CNTNAP2: variants seen among roughly 807,000 people sequenced by gnomAD.
CNTNAP2 encodes the protein contactin associated protein 2.
CNTNAP2 carries 98 observed loss-of-function variants against 155.2 expected under a neutral mutation model. The observed-to-expected ratio is 0.63, with a 90% CI of 0.54 to 0.75. CNTNAP2 has a LOEUF of 0.75. CNTNAP2 is among the 30% of genes least tolerant of loss of function. The probability of loss-of-function intolerance (pLI) is 0.00; values close to 1 mark genes in which losing one functional copy is unlikely to be tolerated. For missense variants in CNTNAP2, 1,727 were observed against 1,688.1 expected (o/e 1.02, Z -0.40); for synonymous variants, 651 against 631.2 (o/e 1.03, Z -0.47).
chr7:147,714,398 T>C (rs1322256877), intron 13 of CNTNAP2, among the ~76,000 whole-genome samples: 1 of 151,048 alleles, frequency 6.6e-6, no homozygotes, highest in Non-Finnish European at 1.5e-5. Flanking sequence ...AGTATAGTTG[T>C]GGAGGTAGAA....
chr7:147,373,401 AT>A (rs1446893374), intron 9 of CNTNAP2, among the ~76,000 whole-genome samples: 8 of 152,086 alleles, frequency 5.3e-5, no homozygotes, highest in African/African-American at 1.7e-4. Flanking sequence ...GCCATTTACT[AT>A]GAATTTTAGG....
intron 3 of CNTNAP2, among the ~76,000 whole-genome samples, chr7:146,989,589 G>C (rs1798173894): frequency 6.6e-6 from 1 of 152,054 alleles, no homozygotes; most frequent in Non-Finnish European, 1.5e-5. Context: ...TTTTCTTCAT[G>C]ATTTTAAATT....
intron 1 of CNTNAP2, among the ~76,000 whole-genome samples, chr7:146,688,128 G>A (rs566119629): frequency 1.1e-4 from 16 of 152,028 alleles, no homozygotes; most frequent in Admixed American, 3.3e-4. Context: ...TTAAATAGGC[G>A]TCTGTAGACA....
At position 146,176,373 on chromosome 7, in the gene CNTNAP2, G is replaced by A. The variant is rs114713085; in HGVS notation, c.97+59400G>A. 8.8e-3 allele frequency among the ~76,000 whole-genome samples: 1,346 copies of A among 152,212 alleles called. 22 individuals carry two copies. Among genetic ancestry groups the A allele is most frequent in the African/African-American group, 0.031 (1,279 of 41,510 alleles). ...TTAATTAAGCTTAGGGACTGGAGGC[G>A]TAAAGGATAGTAAAAGGAAGAAAAA... On this transcript the variant is annotated intron_variant, in intron 1 of 23. Coordinates refer to ENST00000361727, the MANE Select transcript of CNTNAP2 (RefSeq NM_014141.6).
intron 22 of CNTNAP2, among the ~76,000 whole-genome samples, chr7:148,397,676 G>A (rs537297498): frequency 8.5e-5 from 13 of 152,322 alleles, no homozygotes; most frequent in East Asian, 5.8e-4. Flanking sequence ...TTCACACTCC[G>A]TTGACATGAA....
intron 4 of CNTNAP2, among the ~76,000 whole-genome samples, chr7:147,063,129 C>G (rs1478907957): frequency 6.6e-6 from 1 of 152,122 alleles, no homozygotes; most frequent in South Asian, 2.1e-4. Context: ...TGAGACTTCC[C>G]CATAAGGAAC....
At chr7:146,523,978 G>T (rs1016314983) in intron 1 of CNTNAP2, among the ~76,000 whole-genome samples, 34 of 152,106 alleles carry the variant, frequency 2.2e-4, no homozygotes, top group African/African-American at 8.2e-4. Flanking sequence ...AATCTGAAAA[G>T]TCCGAGCAAA....
Position 146,665,788 on chromosome 7 carries a change from A to AAAAAAAAAAAACAAAAAAAAAAAAAC in CNTNAP2, c.98-108473_98-108472insACAAAAAAAAAAAAACAAAAAAAAAA, listed in dbSNP as rs1328734569. On this transcript the variant is annotated intron_variant, in intron 1 of 23. Transcript: ENST00000361727. The stretch of plus-strand genomic sequence containing the variant: ...GGAGTGAGACTCTGTCTCATTAAAA[A>AAAAAAAAAAAACAAAAAAAAAAAAAC]AAAAAAAAAATACATTTTGTAACTG... Among the ~76,000 whole-genome samples the AAAAAAAAAAAACAAAAAAAAAAAAAC allele has an allele frequency of 7.7e-5, 11 of 142,124 alleles. 1 individual carries two copies. Among genetic ancestry groups the AAAAAAAAAAAACAAAAAAAAAAAAAC allele is most frequent in the African/African-American group, 2.7e-4 (10 of 37,002 alleles). 93.2% of individuals were successfully genotyped at this position (142,124 alleles called of 152,430 possible). A position where few individuals can be genotyped will look rare whatever the true frequency, so the allele number is the denominator to read the frequency against.
At chr7:146,159,518 T>G (rs1193182698) in intron 1 of CNTNAP2, among the ~76,000 whole-genome samples, 3 of 152,004 alleles carry the variant, frequency 2.0e-5, no homozygotes, top group African/African-American at 7.3e-5. Flanking sequence ...GAGACACACA[T>G]AGGCTCAAAA....
chr7:146,939,145 T>A (rs1796991897), intron 3 of CNTNAP2, among the ~76,000 whole-genome samples: 1 of 152,126 alleles, frequency 6.6e-6, no homozygotes, highest in Middle Eastern at 3.2e-3. Context: ...TGATCAACTG[T>A]AAATCTACCC....
rs1018439722 is a variant in CNTNAP2 at position 146,802,599 on chromosome 7, T to C, written c.208+28218T>C. 1.7e-4 allele frequency among the ~76,000 whole-genome samples: 26 copies of C among 152,138 alleles called. 1 individual carries two copies. The highest frequency in any genetic ancestry group is 5.6e-4 in the African/African-American group (23 of 41,436). On this transcript the variant is annotated intron_variant, in intron 2 of 23. Transcript: ENST00000361727. ...TAGAAGTGTGTAGCACATCCTTCTTTGTTTCCTGTCTCCTGCTCCACCATG... is the reference window on the plus strand; with the variant it reads ...TAGAAGTGTGTAGCACATCCTTCTTCGTTTCCTGTCTCCTGCTCCACCATG...
At chr7:146,837,047 A>C (rs906182518) in intron 2 of CNTNAP2, among the ~76,000 whole-genome samples, 2 of 152,072 alleles carry the variant, frequency 1.3e-5, no homozygotes, top group Non-Finnish European at 2.9e-5. Context: ...AATGTGCCTT[A>C]TTGTATTTTC....
At chr7:146,953,687 T>C (rs1797369669) in intron 3 of CNTNAP2, among the ~76,000 whole-genome samples, 1 of 151,920 alleles carries the variant, frequency 6.6e-6, no homozygotes, top group South Asian at 2.1e-4. Flanking sequence ...TTGTTGAAAA[T>C]GGAGATATCA....
chr7:147,070,111 C>T (rs574624893), intron 4 of CNTNAP2, among the ~76,000 whole-genome samples: 2 of 152,228 alleles, frequency 1.3e-5, no homozygotes, highest in Middle Eastern at 3.4e-3. Flanking sequence ...CTCTTTTCAA[C>T]CAGAAACAAA....
At chr7:147,152,394 T>C (rs1283608202) in intron 8 of CNTNAP2, among the ~76,000 whole-genome samples, 1 of 152,058 alleles carries the variant, frequency 6.6e-6, no homozygotes, top group Non-Finnish European at 1.5e-5. Context: ...GAATTATACT[T>C]AATCTGTGTG....
intron 1 of CNTNAP2, among the ~76,000 whole-genome samples, chr7:146,374,124 G>A (rs190144349): frequency 1.2e-4 from 18 of 152,042 alleles, no homozygotes; most frequent in Non-Finnish European, 2.9e-5. Flanking sequence ...ACTAGGGTTG[G>A]CTTTGTTTTT....
chr7:147,356,222 A>T (rs1017595705), intron 9 of CNTNAP2, among the ~76,000 whole-genome samples: 8 of 152,220 alleles, frequency 5.3e-5, no homozygotes, highest in African/African-American at 1.9e-4. Flanking sequence ...AAGGCCTTTG[A>T]TAAAATTCAA....
At chr7:146,686,753 C>T (rs1404073125) in intron 1 of CNTNAP2, among the ~76,000 whole-genome samples, 2 of 152,140 alleles carry the variant, frequency 1.3e-5, no homozygotes, top group Non-Finnish European at 2.9e-5. Flanking sequence ...ACTTGACTTA[C>T]TTAATTCTCT....
At chr7:148,197,483 C>A (rs1172170651) in intron 18 of CNTNAP2, among the ~76,000 whole-genome samples, 1 of 152,000 alleles carries the variant, frequency 6.6e-6, no homozygotes, top group Non-Finnish European at 1.5e-5. Context: ...CCTTTAAATC[C>A]CGGAAACGAA....
Sources: gnomAD v4.1 joint callset for allele counts (sites outside exome capture counted in the v4.1 genomes callset) on GRCh38, gnomAD v4.1.1 for gene constraint, MANE v1.5 for transcripts, NCBI Gene and HGNC (gene_info 2026-07-23, HGNC 2026-07-21) for gene names.